Variants in SPIRE1 observed in about 807,000 individuals in gnomAD.
The protein encoded by SPIRE1 is spire type actin nucleation factor 1, also known as protein spire homolog 1.
SPIRE1 carries 40 observed loss-of-function variants against 94.1 expected under a neutral mutation model. The observed-to-expected ratio is 0.43, with a 90% CI of 0.33 to 0.55. The LOEUF is 0.55. SPIRE1 is among the 20% of genes least tolerant of loss of function. SPIRE1 has a pLI of 0.06. For synonymous variants in SPIRE1, 376 were observed against 371.7 expected (o/e 1.01, Z -0.13); for missense variants, 838 against 975.2 (o/e 0.86, Z 1.87).
At chr18:12,500,308 G>C (rs1459239583) in intron 6 of SPIRE1, among the ~76,000 whole-genome samples, 1 of 152,104 alleles carries the variant, frequency 6.6e-6, no homozygotes, top group South Asian at 2.1e-4. Flanking sequence ...TACAAAATCT[G>C]AACAGACATT....
intron 2 of SPIRE1, among the ~76,000 whole-genome samples, chr18:12,627,126 A>G (rs2037653793): frequency 6.6e-6 from 1 of 151,976 alleles, no homozygotes; most frequent in Non-Finnish European, 1.5e-5. Flanking sequence ...CACAATGTGC[A>G]GGTTTATTAC....
chr18:12,545,405 G>C (rs2144270252), intron 3 of SPIRE1, among the ~76,000 whole-genome samples: 1 of 152,272 alleles, frequency 6.6e-6, no homozygotes, highest in South Asian at 2.1e-4. Context: ...CTAAGGAACA[G>C]GGGCACTCAG....
rs117002429 is a variant in SPIRE1 at position 12,622,406 on chromosome 18, G to A, written c.372+12656C>T. ...ATGTTTCTTCCCTTGAAGGGAAAAC[G>A]GAGCTATGTCCAGTCTTTTTTTTTT... On this transcript the variant is annotated intron_variant, in intron 2 of 16. Transcript: ENST00000409402. Among the ~76,000 whole-genome samples the A allele has an allele frequency of 1.2e-3, 184 of 149,636 alleles. 3 individuals carry two copies. The East Asian group carries it at 0.027, about 22-fold the overall frequency.
chr18:12,581,767 G>A (rs139602012), intron 2 of SPIRE1, among the ~76,000 whole-genome samples: 4 of 152,088 alleles, frequency 2.6e-5, no homozygotes, highest in African/African-American at 9.7e-5. Flanking sequence ...GAGAGGCTGA[G>A]GCATGAGAAT....
chr18:12,658,307 G>T (rs1296425770), upstream of SPIRE1: 1 of 441,364 alleles, frequency 2.3e-6, no homozygotes, highest in Non-Finnish European at 4.5e-6. Context: ...CGGTCGGGGG[G>T]CCCGGTCGCA....
chr18:12,619,555 A>T (rs2037405342), intron 2 of SPIRE1, among the ~76,000 whole-genome samples: 1 of 151,992 alleles, frequency 6.6e-6, no homozygotes, highest in South Asian at 2.1e-4. Context: ...AAAAAATAAA[A>T]AAATAAACAC....
At chr18:12,633,214 A>C (rs1044287522) in intron 2 of SPIRE1, among the ~76,000 whole-genome samples, 1 of 152,212 alleles carries the variant, frequency 6.6e-6, no homozygotes, top group Non-Finnish European at 1.5e-5. Context: ...GTTGAATAGT[A>C]TATCAAAAAT....
chr18:12,506,396 T>A, intron 6 of SPIRE1, 81 bp downstream of exon 6: 2 of 1,237,044 alleles, frequency 1.6e-6, no homozygotes, highest in Non-Finnish European at 2.4e-6. Flanking sequence ...TGACCTCAGA[T>A]GATCCACCTG....
At chr18:12,585,697 A>G (rs1336589839) in intron 2 of SPIRE1, among the ~76,000 whole-genome samples, 1 of 152,224 alleles carries the variant, frequency 6.6e-6, no homozygotes, top group Non-Finnish European at 1.5e-5. Context: ...AACATGTAAA[A>G]AGATGCTCAA....
intron 12 of SPIRE1, among the ~76,000 whole-genome samples, chr18:12,455,743 T>C (rs1456105494): frequency 6.6e-6 from 1 of 152,174 alleles, no homozygotes; most frequent in Non-Finnish European, 1.5e-5. Context: ...TGAAACTGAA[T>C]GTTCTCAGCA....
At chr18:12,525,975 C>G (rs146731355) in intron 4 of SPIRE1, among the ~76,000 whole-genome samples, 1 of 151,398 alleles carries the variant, frequency 6.6e-6, no homozygotes, top group Non-Finnish European at 1.5e-5. Flanking sequence ...AACTCACTAC[C>G]TGGAACACAA....
At chr18:12,626,915 A>T (rs1284581962) in intron 2 of SPIRE1, among the ~76,000 whole-genome samples, 2 of 125,972 alleles carry the variant, frequency 1.6e-5, no homozygotes, top group Non-Finnish European at 3.4e-5. Context: ...CCAGAGGATG[A>T]TCATTTTTAA....
rs375603224 is a variant in SPIRE1 at position 12,608,175 on chromosome 18, T to C, written c.372+26887A>G. ...TCCATCTCAAAAAAAAAAAAAAAAA[T>C]CTCACCTACTCCATAAATATATCCA... On this transcript the variant is annotated intron_variant, in intron 2 of 16. Transcript: ENST00000409402. 3.0e-5 allele frequency among the ~76,000 whole-genome samples: 4 copies of C among 134,548 alleles called. No individual in the cohort carries two copies. The East Asian group carries it at 8.6e-4, about 29-fold the overall frequency. 88.3% of individuals were successfully genotyped at this position (134,548 alleles called of 152,430 possible).
In SPIRE1 at chr18:12,449,860, A is replaced by C; in HGVS notation, c.2049T>G (p.Asp683Glu). 7.4e-6 allele frequency: 12 copies of C among 1,614,114 alleles called. No homozygotes were observed. Among genetic ancestry groups the C allele is most frequent in the Non-Finnish European group, 1.0e-5 (12 of 1,180,014 alleles). ...ACTCTTTGGGAAACTGGAGTTCTTC[A>C]TCTGATTTGTCCATAGACTTAGATT... ...SSKSKSMDKS[D>E]EELQFPKELM... The change falls in exon 17 of 17, where the codon GAT (aspartate) becomes GAG (glutamate). Residue 683 changes from aspartate to glutamate, a missense_variant. Coordinates refer to ENST00000409402, the MANE Select transcript of SPIRE1 (RefSeq NM_001128626.2).
intron 1 of SPIRE1, among the ~76,000 whole-genome samples, chr18:12,648,889 T>A (rs1384026622): frequency 1.9e-4 from 2 of 10,350 alleles, no homozygotes; most frequent in African/African-American, 3.8e-4. Context: ...AAACTCCGTC[T>A]CAAAAAAAAA....
Position 12,493,111 on chromosome 18 carries a change from G to A in SPIRE1, c.1150C>T (p.Arg384Trp), listed in dbSNP as rs1453744342. ...CTAATCTCCTCTGGTGATACAGGCC[G>A]CAGCTTTCTTTCTGCTTTAATTTCT... ...LEEIKAERKLRPVSPEEIRRS... is the reference protein window; with the variant it reads ...LEEIKAERKLWPVSPEEIRRS... Residue 384 changes from arginine (R) to tryptophan (W), a missense_variant, in exon 8 of 17, where the codon CGG becomes TGG. Coordinates refer to ENST00000409402, the MANE Select transcript of SPIRE1 (RefSeq NM_001128626.2). The A allele has an allele frequency of 1.9e-6, 3 of 1,613,490 alleles. No individual in the cohort carries two copies. Among genetic ancestry groups the A allele is most frequent in the East Asian group, 2.2e-5 (1 of 44,866 alleles).
At chr18:12,518,306 G>A (rs1743003213) in intron 4 of SPIRE1, among the ~76,000 whole-genome samples, 1 of 152,034 alleles carries the variant, frequency 6.6e-6, no homozygotes, top group Non-Finnish European at 1.5e-5. Context: ...AACCACACTG[G>A]GCAACATTTT....
chr18:12,562,240 G>C (rs1292255226), intron 2 of SPIRE1, among the ~76,000 whole-genome samples: 2 of 152,098 alleles, frequency 1.3e-5, no homozygotes, highest in Non-Finnish European at 2.9e-5. Flanking sequence ...GACCTCTTTA[G>C]TATTCTGATG....
Position 12,485,984 on chromosome 18 carries a change from G to A in SPIRE1, c.1206C>T (p.Ser402=), listed in dbSNP as rs1227808947. The A allele has an allele frequency of 5.3e-6, 8 of 1,521,964 alleles. No individual in the cohort carries two copies. Among genetic ancestry groups the A allele is most frequent in the South Asian group, 3.8e-5 (3 of 78,354 alleles). 94.3% of individuals were successfully genotyped at this position (1,521,964 alleles called of 1,614,324 possible). A position where few individuals can be genotyped will look rare whatever the true frequency, so the allele number is the denominator to read the frequency against. Reference sequence around the variant, plus strand: ...CTGACAAGTCAAAACTGTAAGACATGCTAAGTGGCCGCATTGCTGAAAAAA... The same window carrying A: ...CTGACAAGTCAAAACTGTAAGACATACTAAGTGGCCGCATTGCTGAAAAAA... The part of the protein sequence containing the change: ...RRSRLAMRPL[S]MSYSFDLSDV... The change falls in exon 9 of 17, where the codon AGC becomes AGT. Residue 402 remains serine, a synonymous_variant. Transcript: ENST00000409402.
Sources: allele counts gnomAD v4.1 joint callset (sites outside exome capture counted in the v4.1 genomes callset), GRCh38; gene constraint gnomAD v4.1.1; transcripts MANE v1.5; gene names NCBI Gene and HGNC (gene_info 2026-07-23, HGNC 2026-07-21).